The following ERAP1 variants were observed in gnomAD, a reference collection of about 807,000 sequenced individuals.
ERAP1 encodes endoplasmic reticulum aminopeptidase 1.
A neutral mutation model predicts 103.7 loss-of-function variants in ERAP1; 86 were observed. That is an observed-to-expected ratio of 0.83 (90% CI 0.70 to 0.99). The LOEUF (loss-of-function observed/expected upper bound fraction) is 0.99, where lower values mean the gene tolerates loss of function less well. Ranked by LOEUF, ERAP1 falls within the 50% of genes least tolerant of loss-of-function variation. ERAP1 has a pLI of 0.00. For missense variants in ERAP1, 1,009 were observed against 1,128.4 expected (o/e 0.89, Z 1.52); for synonymous variants, 398 against 402.4 (o/e 0.99, Z 0.13).
At chr5:96,819,576 C>T in the ERAP1 span, among the ~76,000 whole-genome samples, 2 of 152,098 alleles carry the variant, frequency 1.3e-5, no homozygotes, top group South Asian at 4.1e-4. Context: ...AGGTGTGTTT[C>T]CTTTACTTGC....
At position 96,790,546 on chromosome 5, in the gene ERAP1, G is replaced by A; in HGVS notation, c.1418C>T (p.Thr473Ile). ...ACTATCCCACAGGTCCTCGTTTTTT[G>A]TATTTTTATAGCTATGCTTCTGGAG... ...QYLQKHSYKN[T>I]KNEDLWDSMA... Residue 473 changes from threonine (T) to isoleucine (I), a missense_variant, in exon 9 of 19, where the codon ACA (threonine) becomes ATA (isoleucine). Physicochemically the swap from Thr to Ile is moderately conservative, Grantham distance 89. Transcript: ENST00000443439. 6.2e-7 allele frequency: 1 copy of A among 1,613,886 alleles called. No homozygotes were observed. The highest frequency in any genetic ancestry group is 1.1e-5 in the South Asian group (1 of 91,084).
rs75649816 is a variant in ERAP1 at position 96,806,623 on chromosome 5, C to CTT, written c.-18+1235_-18+1236dup. Among the ~76,000 whole-genome samples the CTT allele has an allele frequency of 9.2e-3, 1,181 of 127,844 alleles. 2 individuals carry two copies. The highest frequency in any genetic ancestry group is 0.02 in the East Asian group (84 of 4,276). 83.9% of individuals were successfully genotyped at this position (127,844 alleles called of 152,430 possible). A position where few individuals can be genotyped will look rare whatever the true frequency, so the allele number is the denominator to read the frequency against. On this transcript the variant is annotated intron_variant, in intron 1 of 18. Transcript: ENST00000443439. ...CTTTTTCAGCTTCACCAAGATCCCT[C>CTT]TTTTTTTTTTTTTTTTTTTTTTTTG...
At chr5:96,833,315 G>T in the ERAP1 span, among the ~76,000 whole-genome samples, 2 of 152,174 alleles carry the variant, frequency 1.3e-5, no homozygotes, top group African/African-American at 4.8e-5. Context: ...AGTGGATGGG[G>T]TCTTGAGCTT....
chr5:96,842,109 C>T, the ERAP1 span, among the ~76,000 whole-genome samples: 1 of 152,136 alleles, frequency 6.6e-6, no homozygotes, highest in African/African-American at 2.4e-5. Flanking sequence ...GCTGCAAATG[C>T]CATTATTTCA....
the ERAP1 span, among the ~76,000 whole-genome samples, chr5:96,838,729 G>A: frequency 2.0e-5 from 3 of 152,254 alleles, no homozygotes; most frequent in South Asian, 6.2e-4. Context: ...AACTGGAAAG[G>A]CCTCACAGAG....
chr5:96,851,716 G>A, the ERAP1 span, among the ~76,000 whole-genome samples: 3 of 152,268 alleles, frequency 2.0e-5, no homozygotes, highest in African/African-American at 7.2e-5. Context: ...CCTGGAACTG[G>A]AGAAATTCTA....
At chr5:96,860,668 A>C in the ERAP1 span, among the ~76,000 whole-genome samples, 3 of 152,134 alleles carry the variant, frequency 2.0e-5, no homozygotes, top group Non-Finnish European at 4.4e-5. Flanking sequence ...CTTGAGTAAG[A>C]GTCAGTTTCT....
the ERAP1 span, among the ~76,000 whole-genome samples, chr5:96,843,323 A>G: frequency 6.6e-6 from 1 of 152,206 alleles, no homozygotes; most frequent in Non-Finnish European, 1.5e-5. Flanking sequence ...GCAACCAATC[A>G]GAGGCTTAAG....
At chr5:96,897,123 G>A in the ERAP1 span, among the ~76,000 whole-genome samples, 1 of 152,200 alleles carries the variant, frequency 6.6e-6, no homozygotes, top group Non-Finnish European at 1.5e-5. Context: ...ACACTTTTAT[G>A]TTCCCTTGAT....
chr5:96,778,247 G>T (rs1774642479), intron 18 of ERAP1, among the ~76,000 whole-genome samples: 1 of 152,182 alleles, frequency 6.6e-6, no homozygotes, highest in African/African-American at 2.4e-5. Flanking sequence ...GTCTTTTGGG[G>T]TATACAAGCA....
chr5:96,903,341 G>T, the ERAP1 span: 2 of 1,518,496 alleles, frequency 1.3e-6, no homozygotes, highest in South Asian at 2.5e-5. Context: ...TAAGTTTGTT[G>T]ATAATAAAAT....
chr5:96,777,802 T>C (rs1176977738), intron 18 of ERAP1, among the ~76,000 whole-genome samples: 1 of 152,240 alleles, frequency 6.6e-6, no homozygotes, highest in Non-Finnish European at 1.5e-5. Flanking sequence ...CGAAGCCAGC[T>C]GTTAACCATT....
chr5:96,800,807 G>A (rs1777904578), intron 3 of ERAP1, 55 bp downstream of exon 3: 1 of 1,599,860 alleles, frequency 6.3e-7, no homozygotes, highest in Non-Finnish European at 8.6e-7. Context: ...GCTAGTGCAA[G>A]TCACAGAGAA....
the ERAP1 span, among the ~76,000 whole-genome samples, chr5:96,890,027 G>A: frequency 1.3e-5 from 2 of 152,306 alleles, no homozygotes; most frequent in South Asian, 4.1e-4. Context: ...TGGATGGTAA[G>A]ACTGTGGAAC....
At chr5:96,932,003 T>C in the ERAP1 span, among the ~76,000 whole-genome samples, 1 of 152,250 alleles carries the variant, frequency 6.6e-6, no homozygotes, top group Admixed American at 6.5e-5. Flanking sequence ...TATATCACTG[T>C]TCTTTCCAAA....
chr5:96,799,183 A>G (rs945572496), intron 3 of ERAP1, among the ~76,000 whole-genome samples: 3 of 151,888 alleles, frequency 2.0e-5, no homozygotes, highest in African/African-American at 4.8e-5. Context: ...TCCATTCTCG[A>G]GTTGTGTTAA....
chr5:96,792,473 T>C (rs1262882800), intron 7 of ERAP1, among the ~76,000 whole-genome samples: 1 of 152,208 alleles, frequency 6.6e-6, no homozygotes, highest in African/African-American at 2.4e-5. Context: ...ATTATGCCTA[T>C]AGCCAAACAG....
chr5:96,790,503 CAT>C lies in ERAP1; in HGVS notation c.1452+7_1452+8del. On this transcript the variant is annotated splice_region_variant and intron_variant, in intron 9 of 18. Coordinates refer to ENST00000443439, the MANE Select transcript of ERAP1 (RefSeq NM_001040458.3). ...TCCCAAATGCAGAGATATTCAAAAA[CAT>C]ACTCACACTTGCCATACTATCCCAC... is the stretch of plus-strand genomic sequence containing the variant. 2 of 1,613,776 alleles carry C rather than the reference CAT, an allele frequency of 1.2e-6. No individual in the cohort carries two copies. Among genetic ancestry groups the C allele is most frequent in the Non-Finnish European group, 1.7e-6 (2 of 1,179,872 alleles).
chr5:96,786,389 A>G, intron 12 of ERAP1, 81 bp downstream of exon 12: 1 of 984,292 alleles, frequency 1.0e-6, no homozygotes, highest in Non-Finnish European at 1.6e-6. Context: ...ACCAAGATAA[A>G]TAGCAAAAGA....
Sources: gnomAD v4.1 joint callset for allele counts (sites outside exome capture counted in the v4.1 genomes callset) on GRCh38, gnomAD v4.1.1 for gene constraint, MANE v1.5 for transcripts, NCBI Gene and HGNC (gene_info 2026-07-23, HGNC 2026-07-21) for gene names.